The following COL25A1 variants were observed in gnomAD, a reference collection of about 807,000 sequenced individuals.
COL25A1 encodes the protein collagen type XXV alpha 1 chain.
In COL25A1, 103 loss-of-function variants were observed where a neutral mutation model predicts 128.4. The ratio of observed to expected loss-of-function variants is 0.80; its 90% CI spans 0.68 to 0.94. The LOEUF (loss-of-function observed/expected upper bound fraction) is 0.94. Among genes scored for constraint, COL25A1 ranks in the 40% least tolerant of loss-of-function variants. The probability of loss-of-function intolerance (pLI) is 0.00; values close to 1 mark genes in which losing one functional copy is unlikely to be tolerated. For missense variants in COL25A1, 745 were observed against 840.0 expected (o/e 0.89, Z 1.40); for synonymous variants, 279 against 277.2 (o/e 1.01, Z -0.06).
intron 8 of COL25A1, among the ~76,000 whole-genome samples, chr4:108,974,161 A>G (rs1752195863): frequency 6.6e-6 from 1 of 152,180 alleles, no homozygotes; most frequent in Non-Finnish European, 1.5e-5. Context: ...AGAATTTTCT[A>G]TTTATAGGCA....
At chr4:109,232,965 A>G (rs1779250137) in intron 3 of COL25A1, among the ~76,000 whole-genome samples, 1 of 152,204 alleles carries the variant, frequency 6.6e-6, no homozygotes, top group South Asian at 2.1e-4. Context: ...AGCCACATTA[A>G]AAAGTGATAA....
intron 5 of COL25A1, among the ~76,000 whole-genome samples, chr4:109,036,700 G>A (rs774372193): frequency 2.6e-5 from 4 of 152,218 alleles, no homozygotes; most frequent in Non-Finnish European, 5.9e-5. Flanking sequence ...TTAAAAACCA[G>A]TTGTTATTCT....
intron 3 of COL25A1, among the ~76,000 whole-genome samples, chr4:109,292,712 T>C (rs1340063509): frequency 6.6e-6 from 1 of 152,078 alleles, no homozygotes; most frequent in Non-Finnish European, 1.5e-5. Context: ...CCAGTTAGCA[T>C]GTGTCAGGAT....
chr4:109,120,024 A>T (rs1192675731), intron 3 of COL25A1, among the ~76,000 whole-genome samples: 1 of 152,114 alleles, frequency 6.6e-6, no homozygotes, highest in Non-Finnish European at 1.5e-5. Flanking sequence ...CAAGGCTAAA[A>T]AAGAAAAATC....
chr4:109,116,704 C>T (rs1352217502), intron 3 of COL25A1, among the ~76,000 whole-genome samples: 1 of 151,966 alleles, frequency 6.6e-6, no homozygotes, highest in Non-Finnish European at 1.5e-5. Flanking sequence ...TTGGAATTAT[C>T]AAACCAGGAT....
chr4:109,143,291 C>T (rs1001311147), intron 3 of COL25A1, among the ~76,000 whole-genome samples: 1 of 152,224 alleles, frequency 6.6e-6, no homozygotes, highest in Non-Finnish European at 1.5e-5. Flanking sequence ...GTCTGATGGG[C>T]TTCCCTTTGT....
chr4:109,086,305 A>G (rs1764368240), intron 3 of COL25A1, among the ~76,000 whole-genome samples: 1 of 152,212 alleles, frequency 6.6e-6, no homozygotes, highest in Non-Finnish European at 1.5e-5. Context: ...TGGTACCAAC[A>G]AAGAAAAGGA....
intron 20 of COL25A1, among the ~76,000 whole-genome samples, chr4:108,867,336 G>T (rs1215378216): frequency 1.3e-5 from 2 of 152,162 alleles, no homozygotes; most frequent in Admixed American, 6.5e-5. Flanking sequence ...GTCCGAGGCT[G>T]CAAGCCTGAA....
intron 3 of COL25A1, among the ~76,000 whole-genome samples, chr4:109,285,717 T>A (rs987892683): frequency 6.6e-6 from 1 of 152,180 alleles, no homozygotes; most frequent in Non-Finnish European, 1.5e-5. Context: ...ATTTAAAAAT[T>A]ACTCTAAAAG....
At chr4:109,199,455 T>C (rs1225858334) in intron 3 of COL25A1, among the ~76,000 whole-genome samples, 1 of 152,168 alleles carries the variant, frequency 6.6e-6, no homozygotes, top group Non-Finnish European at 1.5e-5. Flanking sequence ...AAAATTGGAA[T>C]TGCATTTCTG....
At chr4:109,103,091 A>G (rs1766068920) in intron 3 of COL25A1, among the ~76,000 whole-genome samples, 1 of 152,188 alleles carries the variant, frequency 6.6e-6, no homozygotes, top group Admixed American at 6.5e-5. Context: ...ATTAAGAGCC[A>G]AAGCAACACA....
chr4:108,812,969 T>TA lies in COL25A1; in HGVS notation c.*957dup, dbSNP rs1162794891. ...AGAAGTGCTGTGCCTCTGTCATTTTTAAAAGCACCTATATTAACACTTGCT... is the reference window on the plus strand; with the variant it reads ...AGAAGTGCTGTGCCTCTGTCATTTTTAAAAAGCACCTATATTAACACTTGCT... On this transcript the variant is annotated 3_prime_UTR_variant, in exon 38 of 38. Coordinates refer to ENST00000399132, the MANE Select transcript of COL25A1 (RefSeq NM_198721.4). 1.3e-5 allele frequency: 2 copies of TA among 152,244 alleles called. No individual in the cohort carries two copies. Among genetic ancestry groups the TA allele is most frequent in the Admixed American group, 6.5e-5 (1 of 15,278 alleles). 9.4% of individuals were successfully genotyped at this position (152,244 alleles called of 1,614,324 possible).
intron 3 of COL25A1, among the ~76,000 whole-genome samples, chr4:109,167,197 A>T (rs1241213050): frequency 1.3e-5 from 2 of 152,164 alleles, no homozygotes; most frequent in African/African-American, 4.8e-5. Flanking sequence ...ATAATCCTTG[A>T]AGTTGAACCA....
intron 3 of COL25A1, among the ~76,000 whole-genome samples, chr4:109,261,828 G>C (rs1444431097): frequency 6.6e-6 from 1 of 151,218 alleles, no homozygotes; most frequent in Admixed American, 6.6e-5. Context: ...CACCCGAGTA[G>C]CTGGGACTAC....
chr4:108,930,246 C>T lies in COL25A1; in HGVS notation c.708+7562G>A, dbSNP rs139963926. Among the ~76,000 whole-genome samples, 344 of 152,172 alleles carry T rather than the reference C, an allele frequency of 2.3e-3. 2 individuals are homozygous for T. Among genetic ancestry groups the T allele is most frequent in the African/African-American group, 7.9e-3 (330 of 41,518 alleles). The stretch of plus-strand genomic sequence containing the variant: ...TGGCAAGGAGGCTTTTGTCTTGTGC[C>T]CATGCTTTAAAAGGCTTTTTTCTGG... On this transcript the variant is annotated intron_variant, in intron 11 of 37. Coordinates refer to ENST00000399132, the MANE Select transcript of COL25A1 (RefSeq NM_198721.4).
Position 108,841,680 on chromosome 4 carries a change from G to T in COL25A1, c.1656+15C>A, listed in dbSNP as rs557486075. 3.1e-6 allele frequency: 5 copies of T among 1,606,376 alleles called. No individual in the cohort carries two copies. The East Asian group carries it at 1.1e-4, about 36-fold the overall frequency. ...GGAAGCAGAAATCAAATAATCAAGG[G>T]ATTTGTTGGATTACCTTTGGTCCAG... On this transcript the variant is annotated intron_variant, in intron 31 of 37. Transcript: ENST00000399132.
chr4:108,928,583 C>T (rs1278853332), intron 11 of COL25A1, among the ~76,000 whole-genome samples: 1 of 152,036 alleles, frequency 6.6e-6, no homozygotes, highest in Non-Finnish European at 1.5e-5. Context: ...ATCACCCAGG[C>T]TGGAGTGCAG....
chr4:108,991,317 A>T (rs1754207155), intron 6 of COL25A1, among the ~76,000 whole-genome samples: 1 of 152,218 alleles, frequency 6.6e-6, no homozygotes, highest in Admixed American at 6.5e-5. Context: ...CTCTGAGATG[A>T]TACTACACCA....
At chr4:108,932,065 G>T (rs1246411995) in intron 11 of COL25A1, among the ~76,000 whole-genome samples, 1 of 152,132 alleles carries the variant, frequency 6.6e-6, no homozygotes, top group East Asian at 1.9e-4. Context: ...TGATTTGAAG[G>T]TTTGGGGGTC....
Sources: gnomAD v4.1 joint callset for allele counts (sites outside exome capture counted in the v4.1 genomes callset) on GRCh38, gnomAD v4.1.1 for gene constraint, MANE v1.5 for transcripts, NCBI Gene and HGNC (gene_info 2026-07-23, HGNC 2026-07-21) for gene names.